The following CFAP46 variants were observed in gnomAD, a reference collection of about 807,000 sequenced individuals.
CFAP46 encodes the protein cilia- and flagella-associated protein 46.
A neutral mutation model predicts 325.7 loss-of-function variants in CFAP46; 245 were observed. That is an observed-to-expected ratio of 0.75 (90% confidence interval 0.68 to 0.84). CFAP46 has a LOEUF of 0.84. Ranked by LOEUF, CFAP46 falls within the 40% of genes least tolerant of loss-of-function variation. The pLI, the probability that CFAP46 is intolerant of heterozygous loss-of-function variation, is 0.00. For missense variants in CFAP46, 3,346 were observed against 3,543.0 expected, an observed-to-expected ratio of 0.94 and a Z score of 1.41; for synonymous variants, 1,523 against 1,495.9, an observed-to-expected ratio of 1.02 and a Z score of -0.42.
At chr10:132,914,987 A>AG (rs1427177972) in intron 17 of CFAP46, among the ~76,000 whole-genome samples, 1 of 152,256 alleles carries the variant, frequency 6.6e-6, no homozygotes, top group Non-Finnish European at 1.5e-5. Flanking sequence ...CACCGAGCGC[A>AG]GGGCAGTCAG....
At chr10:132,927,762 T>C (rs1181827213) in intron 9 of CFAP46, among the ~76,000 whole-genome samples, 1 of 152,264 alleles carries the variant, frequency 6.6e-6, no homozygotes, top group African/African-American at 2.4e-5. Flanking sequence ...CAGTGGATAG[T>C]CTTTAAAAAT....
chr10:132,851,187 T>C lies in CFAP46; in HGVS notation c.5693A>G (p.Glu1898Gly), dbSNP rs1387648878. 1 of 1,613,988 alleles carries C rather than the reference T, an allele frequency of 6.2e-7. No individual in the cohort carries two copies. Among genetic ancestry groups the C allele is most frequent in the Non-Finnish European group, 8.5e-7 (1 of 1,180,040 alleles). ...CAGCAGCTTCTCCAGGGACCCCTGC[T>C]CACTCTGCTGCCCGTGGGCCTCCTC... ...IWEEAHGQQS[E>G]QGSLEKLLAD... is the part of the protein sequence containing the mutation. The change falls in exon 40 of 58, where the codon GAG (glutamate) becomes GGG (glycine). Residue 1898 changes from glutamate to glycine, a missense_variant. Physicochemically the swap from Glu to Gly is moderately conservative, Grantham distance 98 (BLOSUM62 -2). Transcript: ENST00000368586.
At chr10:132,856,983 A>C (rs1038721872) in intron 39 of CFAP46, among the ~76,000 whole-genome samples, 4 of 152,124 alleles carry the variant, frequency 2.6e-5, no homozygotes, top group African/African-American at 9.7e-5. Context: ...GCAGGTCTGG[A>C]GCGGGGCTCA....
At chr10:132,899,182 C>G in intron 23 of CFAP46, 61 bp from the exon 24 acceptor site, 1 of 1,501,254 alleles carries the variant, frequency 6.7e-7, no homozygotes, top group South Asian at 1.3e-5. Context: ...GCTGCTGGAC[C>G]AGGAGGGACA....
intron 39 of CFAP46, among the ~76,000 whole-genome samples, chr10:132,853,299 A>C (rs1282473118): frequency 6.6e-6 from 1 of 152,234 alleles, no homozygotes; most frequent in African/African-American, 2.4e-5. Flanking sequence ...TGCATCCACA[A>C]AGATGATCAT....
chr10:132,929,165 G>A (rs964857185), intron 9 of CFAP46: 37 of 295,216 alleles, frequency 1.3e-4, no homozygotes, highest in African/African-American at 7.8e-4. Context: ...AAATCCCTAC[G>A]ATAAACTTCA....
rs1284156108 is a variant in CFAP46 at position 132,916,652 on chromosome 10, C to T, written c.2017G>A (p.Val673Ile). The T allele has an allele frequency of 4.6e-6, 7 of 1,510,426 alleles. No individual in the cohort carries two copies. Among genetic ancestry groups the T allele is most frequent in the East Asian group, 2.6e-5 (1 of 38,716 alleles). The allele number at this position is 1,510,426 out of a possible 1,614,324, so 93.6% of individuals were successfully genotyped here. ...ATVHLLRSEGVELNDRAIPPE... is the reference protein window; with the variant it reads ...ATVHLLRSEGIELNDRAIPPE... ...GGGATGGCCCGGTCATTCAGCTCTACACCTTCTGACCGCAGCAAATGAACC... is the reference window on the plus strand; with the variant it reads ...GGGATGGCCCGGTCATTCAGCTCTATACCTTCTGACCGCAGCAAATGAACC... Residue 673 changes from valine to isoleucine, a missense_variant, in exon 17 of 58, where the codon GTA becomes ATA. Val to Ile is a conservative substitution (Grantham distance 29). Transcript: ENST00000368586.
chr10:132,887,137 CCT>C (rs1256405453), intron 25 of CFAP46, among the ~76,000 whole-genome samples: 5 of 135,150 alleles, frequency 3.7e-5, no homozygotes, highest in Middle Eastern at 9.3e-3. Context: ...TCTCCTCTGT[CCT>C]CTCTCACTTC....
In CFAP46 at chr10:132,872,898, G is replaced by C. The variant is rs1238202325; in HGVS notation, c.4363-74C>G. 6 of 1,508,092 alleles carry C rather than the reference G, an allele frequency of 4.0e-6. No homozygotes were observed. In the Admixed American group the frequency reaches 1.2e-4, roughly 30 times the overall value. 93.4% of individuals were successfully genotyped at this position (1,508,092 alleles called of 1,614,324 possible). Reference sequence around the variant, plus strand: ...CCACAAGCATAAGGGTCTTTCCTCAGAGAACTCCCTCCCTCCCCATGCCAG... The same window carrying C: ...CCACAAGCATAAGGGTCTTTCCTCACAGAACTCCCTCCCTCCCCATGCCAG... On this transcript the variant is annotated intron_variant, in intron 31 of 57. Transcript: ENST00000368586.
chr10:132,824,945 GTGC>G (rs1395014790), intron 50 of CFAP46, among the ~76,000 whole-genome samples: 6 of 147,552 alleles, frequency 4.1e-5, no homozygotes, highest in African/African-American at 1.3e-4. Flanking sequence ...TGCTGTGTGT[GTGC>G]TGATGTGTGC....
intron 17 of CFAP46, among the ~76,000 whole-genome samples, chr10:132,915,239 C>T (rs1240392307): frequency 6.6e-6 from 1 of 152,256 alleles, no homozygotes; most frequent in African/African-American, 2.4e-5. Context: ...AGCAGGCCCA[C>T]CAGGAGTGCA....
intron 19 of CFAP46, among the ~76,000 whole-genome samples, chr10:132,911,195 T>C (rs1272439574): frequency 6.6e-6 from 1 of 152,076 alleles, no homozygotes; most frequent in African/African-American, 2.4e-5. Context: ...TTGTCCCTTC[T>C]CGGAAGAACG....
At chr10:132,811,427 G>A (rs1376303462) in intron 55 of CFAP46, among the ~76,000 whole-genome samples, 1 of 152,208 alleles carries the variant, frequency 6.6e-6, no homozygotes, top group African/African-American at 2.4e-5. Flanking sequence ...ACAGGCTGCT[G>A]GGGGGCAGCA....
intron 41 of CFAP46, among the ~76,000 whole-genome samples, chr10:132,848,227 C>T (rs1190865981): frequency 6.6e-6 from 1 of 152,096 alleles, no homozygotes; most frequent in Non-Finnish European, 1.5e-5. Flanking sequence ...AAACAAGATA[C>T]AATCATCAAG....
In CFAP46 at chr10:132,879,574, G is replaced by A. The variant is rs763283493; in HGVS notation, c.3857C>T (p.Ala1286Val). ...PRSPVSEAEE[A>V]VSLEQLRSVR... Reference sequence around the variant, plus strand: ...GCTACGCAGCTGCTCCAAGGACACCGCCTCCTCGGCCTCGGACACGGGGCT... The same window carrying A: ...GCTACGCAGCTGCTCCAAGGACACCACCTCCTCGGCCTCGGACACGGGGCT... The change falls in exon 29 of 58, where the codon GCG becomes GTG. Residue 1286 changes from alanine (A) to valine (V), a missense_variant. Coordinates refer to ENST00000368586, the MANE Select transcript of CFAP46 (RefSeq NM_001200049.3). The A allele has an allele frequency of 7.1e-6, 11 of 1,546,544 alleles. No homozygotes were observed. Among genetic ancestry groups the A allele is most frequent in the Admixed American group, 3.9e-5 (2 of 50,824 alleles).
At chr10:132,909,389 G>GT (rs2135529113) in intron 20 of CFAP46, 145 bp from the exon 21 acceptor site, 1 of 642,894 alleles carries the variant, frequency 1.6e-6, no homozygotes, top group East Asian at 2.8e-5. Context: ...GGCTGTTTTT[G>GT]TAACTGTTGA....
rs918262474 is a variant in CFAP46, at chr10:132,911,511, G to A, written c.2499+1144C>T. ...GGCCTCCCTGCCCCCGCCCCACCGCGGGTGCTCCACACACAGGCTCCAGGA... is the reference window on the plus strand; with the variant it reads ...GGCCTCCCTGCCCCCGCCCCACCGCAGGTGCTCCACACACAGGCTCCAGGA... On this transcript the variant is annotated intron_variant, in intron 19 of 57. Coordinates refer to ENST00000368586, the MANE Select transcript of CFAP46 (RefSeq NM_001200049.3). Among the ~76,000 whole-genome samples, 7 of 152,164 alleles carry A rather than the reference G, an allele frequency of 4.6e-5. No homozygotes were observed. In the East Asian group the frequency reaches 1.2e-3, roughly 25 times the overall value.
intron 35 of CFAP46, 71 bp downstream of exon 35, chr10:132,865,954 G>T: frequency 7.6e-7 from 1 of 1,318,390 alleles, no homozygotes; most frequent in Non-Finnish European, 9.8e-7. Context: ...GCTTCTGCCC[G>T]CAGTCCCTCC....
chr10:132,910,127 A>T, intron 19 of CFAP46, 59 bp from the exon 20 acceptor site: 1 of 1,335,058 alleles, frequency 7.5e-7, no homozygotes, highest in Non-Finnish European at 9.6e-7. Flanking sequence ...ACCTTGAGCC[A>T]AGATCCGAAC....
Sources: allele counts gnomAD v4.1 joint callset (sites outside exome capture counted in the v4.1 genomes callset), GRCh38; gene constraint gnomAD v4.1.1; transcripts MANE v1.5; gene names NCBI Gene and HGNC (gene_info 2026-07-23, HGNC 2026-07-21).